Variants in RALY observed in about 807,000 individuals in gnomAD.
RALY encodes RNA-binding protein Raly.
A neutral mutation model predicts 30.7 loss-of-function variants in RALY; 15 were observed. That is an observed-to-expected ratio of 0.49 (90% CI 0.33 to 0.75). The LOEUF is 0.75. RALY is among the 30% of genes least tolerant of loss of function. RALY has a pLI of 0.02. For synonymous variants in RALY, 177 were observed against 170.8 expected (o/e 1.04, Z -0.28); for missense variants, 339 against 414.3 (o/e 0.82, Z 1.58).
chr20:34,048,055 G>A (rs1307874721), intron 2 of RALY, among the ~76,000 whole-genome samples: 1 of 152,326 alleles, frequency 6.6e-6, no homozygotes, highest in Non-Finnish European at 1.5e-5. Flanking sequence ...AGAGATACAG[G>A]AGCAGAGCAG....
chr20:34,053,265 T>C (rs2033135435), intron 2 of RALY, among the ~76,000 whole-genome samples: 1 of 152,018 alleles, frequency 6.6e-6, no homozygotes, highest in African/African-American at 2.4e-5. Flanking sequence ...ATGTATCATA[T>C]GAGGACGTTA....
chr20:33,998,921 G>A (rs2030771156), intron 1 of RALY, among the ~76,000 whole-genome samples: 1 of 152,016 alleles, frequency 6.6e-6, no homozygotes, highest in Non-Finnish European at 1.5e-5. Flanking sequence ...GAGGTCAGGA[G>A]TTTGAGACTA....
In RALY at chr20:34,075,888, G is replaced by A. The variant is rs569848422; in HGVS notation, c.392G>A (p.Arg131Gln). 1.1e-5 allele frequency: 17 copies of A among 1,613,160 alleles called. No homozygotes were observed. Among genetic ancestry groups the A allele is most frequent in the Admixed American group, 3.3e-5 (2 of 59,934 alleles). ...DDFYDRLFDY[R>Q]GRLSPVPVPR... is the part of the protein sequence containing the mutation. ...TGCCCTCACAGGCTCTTCGACTACC[G>A]GGGCCGTCTGTCGCCCGTGCCAGTG... Residue 131 changes from arginine to glutamine, a missense_variant, in exon 6 of 10, where the codon CGG becomes CAG. Transcript: ENST00000246194.
At chr20:33,999,820 G>T (rs2030826648) in intron 1 of RALY, among the ~76,000 whole-genome samples, 1 of 151,976 alleles carries the variant, frequency 6.6e-6, no homozygotes, top group Non-Finnish European at 1.5e-5. Flanking sequence ...TAGGAGTCAG[G>T]AGACCCCACT....
chr20:34,051,330 T>G (rs1443652186), intron 2 of RALY, among the ~76,000 whole-genome samples: 1 of 152,118 alleles, frequency 6.6e-6, no homozygotes, highest in Non-Finnish European at 1.5e-5. Context: ...GGAAAATGAG[T>G]ACTCCTGGGT....
chr20:34,052,434 A>G (rs2033107985), intron 2 of RALY, among the ~76,000 whole-genome samples: 2 of 152,298 alleles, frequency 1.3e-5, no homozygotes, highest in South Asian at 4.1e-4. Context: ...AACCAAGTCT[A>G]AATCTCAGGG....
chr20:34,029,246 T>G (rs1414659782), intron 1 of RALY, among the ~76,000 whole-genome samples: 1 of 152,048 alleles, frequency 6.6e-6, no homozygotes, highest in Non-Finnish European at 1.5e-5. Flanking sequence ...GAGACCAGCC[T>G]GACTAACATG....
chr20:34,064,686 G>A (rs568301127), intron 2 of RALY, among the ~76,000 whole-genome samples: 50 of 152,330 alleles, frequency 3.3e-4, no homozygotes, highest in African/African-American at 1.1e-3. Context: ...ACATAGTAAA[G>A]AACATACCAT....
intron 5 of RALY, among the ~76,000 whole-genome samples, chr20:34,074,539 G>C (rs377477490): frequency 4.0e-4 from 61 of 152,250 alleles, no homozygotes; most frequent in African/African-American, 1.3e-3. Flanking sequence ...AGCATGAGTC[G>C]TCCGCCCCCA....
At chr20:34,021,376 A>G (rs562505679) in intron 1 of RALY, among the ~76,000 whole-genome samples, 1 of 152,324 alleles carries the variant, frequency 6.6e-6, no homozygotes, top group Non-Finnish European at 1.5e-5. Context: ...GGGAAGTCCA[A>G]GATCAAGGGG....
At chr20:34,007,894 G>T (rs2031234719) in intron 1 of RALY, among the ~76,000 whole-genome samples, 1 of 151,580 alleles carries the variant, frequency 6.6e-6, no homozygotes, top group South Asian at 2.1e-4. Flanking sequence ...CCATGTTATG[G>T]TGTGGTACTA....
intron 2 of RALY, among the ~76,000 whole-genome samples, chr20:34,059,563 A>G (rs544443513): frequency 1.2e-4 from 19 of 152,218 alleles, no homozygotes; most frequent in Non-Finnish European, 2.4e-4. Context: ...AACCTCAGAA[A>G]AGTCAAGTGC....
At position 34,072,107 on chromosome 20, in the gene RALY, C is replaced by T. The variant is rs1285620780; in HGVS notation, c.33C>T (p.Thr11=). The T allele has an allele frequency of 6.2e-7, 1 of 1,614,104 alleles. No homozygotes were observed. Among genetic ancestry groups the T allele is most frequent in the African/African-American group, 1.3e-5 (1 of 74,930 alleles). ...TGAAGCTTCAGGCAAGCAATGTAAC[C>T]AACAAGAATGACCCCAAGTCCATCA... MSLKLQASNV[T]NKNDPKSINS... is the part of the protein sequence containing the mutation. The change falls in exon 3 of 10, where the codon ACC becomes ACT. Residue 11 remains threonine (T), a synonymous_variant. Transcript: ENST00000246194.
In RALY at chr20:34,022,262, A is replaced by T. The variant is rs547515348; in HGVS notation, c.-92-9260A>T. On this transcript the variant is annotated intron_variant, in intron 1 of 9. Coordinates refer to ENST00000246194, the MANE Select transcript of RALY (RefSeq NM_016732.3). The stretch of plus-strand genomic sequence containing the variant: ...GCTCTTATTCTCTTCTCTATACCTT[A>T]TACCTCACCCCTAGTTTTTAAGTTT... Among the ~76,000 whole-genome samples, 9 of 151,646 alleles carry T rather than the reference A, an allele frequency of 5.9e-5. No individual in the cohort carries two copies. The East Asian group carries it at 1.7e-3, about 29-fold the overall frequency.
At chr20:34,014,519 C>A (rs897885591) in intron 1 of RALY, among the ~76,000 whole-genome samples, 7 of 151,840 alleles carry the variant, frequency 4.6e-5, no homozygotes, top group African/African-American at 1.4e-4. Flanking sequence ...TTTACTATTC[C>A]AAGGTGAAAT....
chr20:34,066,635 C>T (rs995948916), intron 2 of RALY, among the ~76,000 whole-genome samples: 6 of 151,968 alleles, frequency 3.9e-5, no homozygotes, highest in African/African-American at 1.5e-4. Flanking sequence ...AAAGGATCCT[C>T]CCATCTTGGC....
chr20:34,055,463 G>C (rs182003937), intron 2 of RALY, among the ~76,000 whole-genome samples: 1 of 152,260 alleles, frequency 6.6e-6, no homozygotes, highest in African/African-American at 2.4e-5. Context: ...GTGGGGCATG[G>C]GGGCTGTGGT....
chr20:34,002,478 A>G (rs2030962493), intron 1 of RALY, among the ~76,000 whole-genome samples: 1 of 152,252 alleles, frequency 6.6e-6, no homozygotes, highest in Non-Finnish European at 1.5e-5. Flanking sequence ...AGAGGAAGAC[A>G]GATAAGTAAA....
chr20:34,025,899 G>GTTTTTTTTTT (rs35827160), intron 1 of RALY, among the ~76,000 whole-genome samples: 8 of 75,914 alleles, frequency 1.1e-4, no homozygotes, highest in Non-Finnish European at 1.4e-4. Flanking sequence ...ATTCCTGGTT[G>GTTTTTTTTTT]TTTTTTTTTT....
Sources: allele counts gnomAD v4.1 joint callset (sites outside exome capture counted in the v4.1 genomes callset), GRCh38; gene constraint gnomAD v4.1.1; transcripts MANE v1.5; gene names NCBI Gene and HGNC (gene_info 2026-07-23, HGNC 2026-07-21).